The following CEP57L1 variants were observed in gnomAD, a reference collection of about 807,000 sequenced individuals.
CEP57L1 encodes the protein centrosomal protein 57 like 1.
A neutral mutation model predicts 61.0 loss-of-function variants in CEP57L1; 37 were observed. The ratio of observed to expected loss-of-function variants is 0.61; its 90% CI spans 0.47 to 0.80. The LOEUF (loss-of-function observed/expected upper bound fraction) is 0.80. Among genes scored for constraint, CEP57L1 ranks in the 30% least tolerant of loss-of-function variants. CEP57L1 has a pLI of 0.00. For missense variants in CEP57L1, 422 were observed against 524.7 expected (o/e 0.80, Z 1.91); for synonymous variants, 137 against 162.3 (o/e 0.84, Z 1.19).
chr6:109,138,101 A>G (rs1770939872), intron 1 of CEP57L1, among the ~76,000 whole-genome samples: 1 of 152,218 alleles, frequency 6.6e-6, no homozygotes, highest in Non-Finnish European at 1.5e-5. Context: ...ACTGAACAAA[A>G]GGGAGACTGA....
At chr6:109,125,907 A>G (rs1379101465) in intron 1 of CEP57L1, among the ~76,000 whole-genome samples, 1 of 152,170 alleles carries the variant, frequency 6.6e-6, no homozygotes, top group African/African-American at 2.4e-5. Context: ...CCTAAGAATT[A>G]TGCTTTACTT....
At chr6:109,158,712 A>G in intron 7 of CEP57L1, 1 of 487,148 alleles carries the variant, frequency 2.1e-6, no homozygotes, top group South Asian at 1.6e-5. Flanking sequence ...ATTCCCACCA[A>G]CAATATGTGA....
intron 1 of CEP57L1, among the ~76,000 whole-genome samples, chr6:109,101,331 C>T (rs1049458599): frequency 6.6e-6 from 1 of 152,146 alleles, no homozygotes; most frequent in African/African-American, 2.4e-5. Context: ...TAGCAATGTG[C>T]ATTTATAGTT....
rs1197631098 is a variant in CEP57L1, at chr6:109,163,737, T to G, written c.*767T>G. ...CTAGGACCCACAAAAGTGGTATTTT[T>G]TTTTTGTACAAGAAAGTATAGAGGA... is the stretch of plus-strand genomic sequence containing the variant. On this transcript the variant is annotated 3_prime_UTR_variant, in exon 11 of 11. Transcript: ENST00000517392. 2.0e-5 allele frequency: 3 copies of G among 152,174 alleles called. No homozygotes were observed. The highest frequency in any genetic ancestry group is 7.2e-5 in the African/African-American group (3 of 41,448). The allele number at this position is 152,174 out of a possible 1,614,324, so 9.4% of individuals were successfully genotyped here.
rs34538762 is a variant in CEP57L1 at position 109,153,231 on chromosome 6, C to CTT, written c.463-575_463-574dup. On this transcript the variant is annotated intron_variant, in intron 4 of 10. Transcript: ENST00000517392. The stretch of plus-strand genomic sequence containing the variant: ...GCTAATATAACACATCTAATCTGCA[C>CTT]TTTTTTTTTTTTTTTTTTTTTTTTT... Among the ~76,000 whole-genome samples the CTT allele has an allele frequency of 6.7e-4, 53 of 79,020 alleles. 7 individuals are homozygous for CTT. Among genetic ancestry groups the CTT allele is most frequent in the East Asian group, 1.3e-3 (3 of 2,270 alleles). 51.8% of individuals were successfully genotyped at this position (79,020 alleles called of 152,430 possible).
At chr6:109,152,644 TGTGTGTG>T in intron 4 of CEP57L1, among the ~76,000 whole-genome samples, 1 of 1,510 alleles carries the variant, frequency 6.6e-4, no homozygotes, top group African/African-American at 9.3e-4. Flanking sequence ...TGCGTGTGTG[TGTGTGTG>T]TGTGTGTGTG....
chr6:109,154,112 G>A (rs572135675), intron 5 of CEP57L1, among the ~76,000 whole-genome samples, 163 bp downstream of exon 5: 13 of 152,262 alleles, frequency 8.5e-5, no homozygotes, highest in South Asian at 2.1e-4. Flanking sequence ...AAGTTAATGC[G>A]TTCTGTCACA....
At chr6:109,104,272 A>T (rs1770660247) in intron 1 of CEP57L1, among the ~76,000 whole-genome samples, 1 of 152,050 alleles carries the variant, frequency 6.6e-6, no homozygotes, top group African/African-American at 2.4e-5. Flanking sequence ...TATGAATATG[A>T]TACAACTTAT....
intron 4 of CEP57L1, among the ~76,000 whole-genome samples, chr6:109,150,904 T>C (rs1772542727): frequency 6.6e-6 from 1 of 152,148 alleles, no homozygotes; most frequent in African/African-American, 2.4e-5. Flanking sequence ...TATTTGTTAC[T>C]AGTAGGTCCA....
At chr6:109,097,071 T>G (rs1357153121) in intron 1 of CEP57L1, among the ~76,000 whole-genome samples, 5 of 152,240 alleles carry the variant, frequency 3.3e-5, no homozygotes, top group African/African-American at 1.2e-4. Context: ...TCTTTTTCAG[T>G]GTTCCTTATT....
rs1181852021 is a variant in CEP57L1, at chr6:109,173,523, T to G, written c.*10553T>G. Among the ~76,000 whole-genome samples, 1 of 150,288 alleles carries G rather than the reference T, an allele frequency of 6.7e-6. No homozygotes were observed. The highest frequency in any genetic ancestry group is 6.6e-5 in the Admixed American group (1 of 15,098). On this transcript the variant is annotated 3_prime_UTR_variant, in exon 11 of 11. Coordinates refer to ENST00000517392, the MANE Select transcript of CEP57L1 (RefSeq NM_001271852.3). ...CACTGCAACCTCAAACTCTTGGGCT[T>G]AAGCAGTCCTCCTGCCTCTGCCTCC...
chr6:109,126,216 A>G (rs1447408614), intron 1 of CEP57L1, among the ~76,000 whole-genome samples: 2 of 152,216 alleles, frequency 1.3e-5, no homozygotes, highest in Non-Finnish European at 2.9e-5. Flanking sequence ...TTCTGAGTTT[A>G]TGTTGAGATA....
intron 1 of CEP57L1, among the ~76,000 whole-genome samples, chr6:109,135,716 A>G (rs1774792414): frequency 1.3e-5 from 2 of 152,344 alleles, no homozygotes; most frequent in Admixed American, 6.5e-5. Flanking sequence ...ACAAATTTAC[A>G]AGAAAAAAAC....
Position 109,145,932 on chromosome 6 carries a change from A to G in CEP57L1, c.160+551A>G, listed in dbSNP as rs529998163. On this transcript the variant is annotated intron_variant, in intron 2 of 10. Coordinates refer to ENST00000517392, the MANE Select transcript of CEP57L1 (RefSeq NM_001271852.3). ...GCAAATTCTTTTCTGAGATGCTGAT[A>G]TCACCTACTTTTAAAATCTTCTATA... Among the ~76,000 whole-genome samples the G allele has an allele frequency of 1.3e-4, 20 of 152,090 alleles. 1 individual carries two copies. The South Asian group carries it at 3.9e-3, about 30-fold the overall frequency.
In CEP57L1 at chr6:109,169,324, G is replaced by GT. The variant is rs1255900321; in HGVS notation, c.*6355dup. 4.6e-5 allele frequency among the ~76,000 whole-genome samples: 7 copies of GT among 150,944 alleles called. No individual in the cohort carries two copies. The highest frequency in any genetic ancestry group is 2.6e-4 in the Admixed American group (4 of 15,140). The stretch of plus-strand genomic sequence containing the variant: ...GTGAGTACGGGTTGTCATTTTTAAT[G>GT]TAGCCCTAAATGTTTTTTAGGGAAG... On this transcript the variant is annotated 3_prime_UTR_variant, in exon 11 of 11. Transcript: ENST00000517392.
chr6:109,148,221 A>C (rs955910562), intron 3 of CEP57L1, among the ~76,000 whole-genome samples: 11 of 151,704 alleles, frequency 7.3e-5, no homozygotes, highest in Non-Finnish European at 1.5e-4. Flanking sequence ...GCACCCATTA[A>C]CTCGTCATTT....
intron 2 of CEP57L1, among the ~76,000 whole-genome samples, chr6:109,146,172 T>TG (rs1361376586): frequency 6.6e-6 from 1 of 151,978 alleles, no homozygotes; most frequent in Non-Finnish European, 1.5e-5. Flanking sequence ...ATCTGAAGCA[T>TG]GAAGATATTA....
chr6:109,135,083 C>G (rs1466078511), intron 1 of CEP57L1, among the ~76,000 whole-genome samples: 3 of 151,852 alleles, frequency 2.0e-5, no homozygotes, highest in South Asian at 2.1e-4. Context: ...CATATGGAAC[C>G]AAAAAAGAGC....
chr6:109,112,773 T>G (rs1448307006), intron 1 of CEP57L1, among the ~76,000 whole-genome samples: 1 of 152,164 alleles, frequency 6.6e-6, no homozygotes, highest in Non-Finnish European at 1.5e-5. Flanking sequence ...ATTTACCCAG[T>G]AGTTATTCGG....
Sources: gnomAD v4.1 joint callset for allele counts (sites outside exome capture counted in the v4.1 genomes callset) on GRCh38, gnomAD v4.1.1 for gene constraint, MANE v1.5 for transcripts, NCBI Gene and HGNC (gene_info 2026-07-23, HGNC 2026-07-21) for gene names.